The following PHKB variants were observed in gnomAD, a reference collection of about 807,000 sequenced individuals.
PHKB encodes the protein phosphorylase b kinase regulatory subunit beta.
In PHKB, 122 loss-of-function variants were observed where a neutral mutation model predicts 152.1. The ratio of observed to expected loss-of-function variants is 0.80; its 90% CI spans 0.69 to 0.93. The LOEUF is 0.93. PHKB is among the 40% of genes least tolerant of loss of function. The pLI is 0.00. For synonymous variants in PHKB, 436 were observed against 464.9 expected (o/e 0.94, Z 0.80); for missense variants, 1,304 against 1,328.4 (o/e 0.98, Z 0.29).
intron 13 of PHKB, among the ~76,000 whole-genome samples, chr16:47,601,203 T>C (rs999421286): frequency 2.0e-5 from 3 of 151,954 alleles, no homozygotes; most frequent in African/African-American, 7.3e-5. Flanking sequence ...GGCAATAGAG[T>C]GAGACCCTGT....
chr16:47,499,948 T>C (rs1405045078), intron 3 of PHKB, 54 bp downstream of exon 3: 4 of 1,604,072 alleles, frequency 2.5e-6, no homozygotes, highest in African/African-American at 2.7e-5. Context: ...TAGGGTTTTG[T>C]AGGACCAAGA....
chr16:47,512,892 T>G (rs1264466779), intron 5 of PHKB, among the ~76,000 whole-genome samples: 1 of 152,258 alleles, frequency 6.6e-6, no homozygotes, highest in African/African-American at 2.4e-5. Flanking sequence ...TGAAATTTCT[T>G]ACTTTAGTAT....
At chr16:47,642,053 T>C (rs1973033597) in intron 16 of PHKB, among the ~76,000 whole-genome samples, 1 of 152,190 alleles carries the variant, frequency 6.6e-6, no homozygotes, top group African/African-American at 2.4e-5. Flanking sequence ...TTTCCTCTTA[T>C]CAAAATGTAT....
intron 5 of PHKB, among the ~76,000 whole-genome samples, chr16:47,514,903 C>G (rs1970570770): frequency 1.3e-5 from 2 of 152,116 alleles, no homozygotes; most frequent in South Asian, 4.1e-4. Flanking sequence ...GTTCATAAAA[C>G]TAATTTGTTC....
At chr16:47,540,929 G>A (rs377093298) in intron 6 of PHKB, among the ~76,000 whole-genome samples, 1 of 148,416 alleles carries the variant, frequency 6.7e-6, no homozygotes, top group South Asian at 2.2e-4. Context: ...CTGTGTTCAA[G>A]CGATTCTCCT....
intron 26 of PHKB, among the ~76,000 whole-genome samples, chr16:47,683,181 G>A (rs1201204208): frequency 2.0e-5 from 3 of 152,198 alleles, no homozygotes; most frequent in Non-Finnish European, 4.4e-5. Context: ...CCTACTGGGG[G>A]GTGCCTCCCA....
At position 47,497,413 on chromosome 16, in the gene PHKB, C is replaced by T; in HGVS notation, c.91C>T (p.Pro31Ser). The T allele has an allele frequency of 3.8e-6, 6 of 1,599,968 alleles. No individual in the cohort carries two copies. The highest frequency in any genetic ancestry group is 5.1e-6 in the Non-Finnish European group (6 of 1,170,184). The change falls in exon 2 of 31, where the codon CCT becomes TCT. Residue 31 changes from proline (P) to serine (S), a missense_variant. Pro to Ser is a moderately conservative substitution (Grantham distance 74, BLOSUM62 -1). Coordinates refer to ENST00000323584, the MANE Select transcript of PHKB (RefSeq NM_000293.3). ...TTTTCTTTTAGGCTCAGTTTATGAA[C>T]CTCTTAAAAGCATTAATCTTCCAAG... ...RTKRSGSVYEPLKSINLPRPD... is the reference protein window; with the variant it reads ...RTKRSGSVYESLKSINLPRPD...
At chr16:47,539,780 A>C (rs894141322) in intron 6 of PHKB, among the ~76,000 whole-genome samples, 1 of 152,168 alleles carries the variant, frequency 6.6e-6, no homozygotes, top group Non-Finnish European at 1.5e-5. Context: ...AATTTCTTAC[A>C]TCAGTCTTTA....
chr16:47,527,075 G>C (rs1338373368), intron 6 of PHKB, among the ~76,000 whole-genome samples: 1 of 152,114 alleles, frequency 6.6e-6, no homozygotes, highest in East Asian at 1.9e-4. Context: ...AAAGCACTAA[G>C]GGGATGGTGC....
intron 1 of PHKB, among the ~76,000 whole-genome samples, chr16:47,487,009 C>G (rs910779475): frequency 1.3e-5 from 2 of 152,182 alleles, no homozygotes; most frequent in Non-Finnish European, 2.9e-5. Flanking sequence ...TGGTGAACCT[C>G]AAGTTGCTCA....
chr16:47,550,922 AC>A (rs941941003), intron 7 of PHKB, among the ~76,000 whole-genome samples: 1 of 151,996 alleles, frequency 6.6e-6, no homozygotes, highest in Non-Finnish European at 1.5e-5. Context: ...CAGGGATTCG[AC>A]TTCTTCCTGG....
chr16:47,596,943 C>G (rs1972130704), intron 13 of PHKB, among the ~76,000 whole-genome samples: 2 of 152,120 alleles, frequency 1.3e-5, no homozygotes, highest in Non-Finnish European at 2.9e-5. Flanking sequence ...CTTTTCTTTC[C>G]AATAAATATA....
chr16:47,687,359 G>T (rs374789377), intron 26 of PHKB, among the ~76,000 whole-genome samples: 180 of 152,266 alleles, frequency 1.2e-3, no homozygotes, highest in Non-Finnish European at 2.0e-3. Context: ...AAAGAACTAT[G>T]TTCTTGTTAC....
At chr16:47,563,958 T>C (rs1597088691) in intron 7 of PHKB, among the ~76,000 whole-genome samples, 1 of 151,998 alleles carries the variant, frequency 6.6e-6, no homozygotes, top group East Asian at 1.9e-4. Context: ...AGGCCCCCAA[T>C]TGCATCCAGA....
chr16:47,547,198 G>T (rs1482432512), intron 6 of PHKB, among the ~76,000 whole-genome samples: 1 of 152,056 alleles, frequency 6.6e-6, no homozygotes. Flanking sequence ...GATCATGCTG[G>T]GAGCTGAAGA....
intron 12 of PHKB, among the ~76,000 whole-genome samples, 169 bp downstream of exon 12, chr16:47,594,383 G>A (rs1972082788): frequency 6.6e-6 from 1 of 152,190 alleles, no homozygotes; most frequent in Non-Finnish European, 1.5e-5. Context: ...AGATGGAAAT[G>A]AATCTAGGTG....
chr16:47,662,364 A>C (rs927035183), intron 23 of PHKB, among the ~76,000 whole-genome samples: 1 of 152,210 alleles, frequency 6.6e-6, no homozygotes, highest in African/African-American at 2.4e-5. Context: ...AGGAATCTTT[A>C]AGTTCTCCAC....
rs568126700 is a variant in PHKB at position 47,565,719 on chromosome 16, C to T, written c.711-14576C>T. The T allele has an allele frequency of 5.2e-5, 77 of 1,478,792 alleles. No individual in the cohort carries two copies. In the East Asian group the frequency reaches 1.0e-3, roughly 20 times the overall value. The allele number at this position is 1,478,792 out of a possible 1,614,324, so 91.6% of individuals were successfully genotyped here. A position where few individuals can be genotyped will look rare whatever the true frequency, so the allele number is the denominator to read the frequency against. ...GTTTGGGTGTCTCTCCCGAGGCCAT[C>T]GTTCTAGTTTTGGCTCATCCAGCTG... On this transcript the variant is annotated intron_variant, in intron 7 of 30. Coordinates refer to ENST00000323584, the MANE Select transcript of PHKB (RefSeq NM_000293.3).
At chr16:47,587,932 C>G (rs1971962373) in intron 9 of PHKB, among the ~76,000 whole-genome samples, 169 bp downstream of exon 9, 1 of 152,088 alleles carries the variant, frequency 6.6e-6, no homozygotes, top group Non-Finnish European at 1.5e-5. Flanking sequence ...GAGGTCTTAG[C>G]AAGTGGACAA....
Sources: gnomAD v4.1 joint callset for allele counts (sites outside exome capture counted in the v4.1 genomes callset) on GRCh38, gnomAD v4.1.1 for gene constraint, MANE v1.5 for transcripts, NCBI Gene and HGNC (gene_info 2026-07-23, HGNC 2026-07-21) for gene names.